The following STXBP5L variants were observed in gnomAD, a reference collection of about 807,000 sequenced individuals.
The protein encoded by STXBP5L is syntaxin-binding protein 5-like.
Under a neutral mutation model 144.5 loss-of-function variants are expected in STXBP5L, and 65 were observed. The ratio of observed to expected loss-of-function variants is 0.45; its 90% CI spans 0.37 to 0.55. The LOEUF (loss-of-function observed/expected upper bound fraction) is 0.55, where lower values mean the gene tolerates loss of function less well. Ranked by LOEUF, STXBP5L falls within the 20% of genes least tolerant of loss-of-function variation. The pLI is 0.00. For missense variants in STXBP5L, 1,298 were observed against 1,405.5 expected (o/e 0.92, Z 1.22); for synonymous variants, 505 against 469.6 (o/e 1.08, Z -0.97).
chr3:120,998,454 A>G (rs1357530938), intron 3 of STXBP5L, among the ~76,000 whole-genome samples: 1 of 152,024 alleles, frequency 6.6e-6, no homozygotes, highest in East Asian at 1.9e-4. Flanking sequence ...ACATAGGTAT[A>G]CACGTGCCAT....
intron 20 of STXBP5L, among the ~76,000 whole-genome samples, chr3:121,326,666 T>A (rs1043969166): frequency 1.3e-5 from 2 of 151,992 alleles, no homozygotes; most frequent in Non-Finnish European, 2.9e-5. Flanking sequence ...TAGAGAAAAA[T>A]TTGACCTTAC....
At chr3:121,186,991 TG>T (rs1374744570) in intron 9 of STXBP5L, among the ~76,000 whole-genome samples, 1 of 152,186 alleles carries the variant, frequency 6.6e-6, no homozygotes, top group African/African-American at 2.4e-5. Flanking sequence ...TCAACCATTG[TG>T]GAAGTCAGTG....
At chr3:121,221,349 G>A (rs200056558) in intron 10 of STXBP5L, among the ~76,000 whole-genome samples, 10 of 151,570 alleles carry the variant, frequency 6.6e-5, no homozygotes, top group Admixed American at 4.0e-4. Context: ...AAGCAGGGGG[G>A]GTAAATTGCT....
intron 3 of STXBP5L, 48 bp from the exon 4 acceptor site, chr3:121,041,652 T>C (rs539792560): frequency 1.5e-6 from 2 of 1,352,128 alleles, no homozygotes; most frequent in South Asian, 2.3e-5. Context: ...TGCTCATTAA[T>C]ATTGGTGCTA....
chr3:121,320,592 T>C (rs1442810372), intron 20 of STXBP5L, among the ~76,000 whole-genome samples: 8 of 152,116 alleles, frequency 5.3e-5, no homozygotes, highest in Admixed American at 5.2e-4. Context: ...TTATAATTGC[T>C]GTCAGTTTTT....
At chr3:121,167,539 C>T (rs1049807586) in intron 9 of STXBP5L, among the ~76,000 whole-genome samples, 2 of 152,098 alleles carry the variant, frequency 1.3e-5, no homozygotes, top group African/African-American at 4.8e-5. Flanking sequence ...GTTTTCCCCT[C>T]AGAGTGTAAA....
At chr3:120,949,385 T>A (rs1275053809) in intron 2 of STXBP5L, among the ~76,000 whole-genome samples, 1 of 152,036 alleles carries the variant, frequency 6.6e-6, no homozygotes, top group African/African-American at 2.4e-5. Flanking sequence ...CTCTGCTGAT[T>A]ATTTCTTTTG....
chr3:121,101,577 A>G (rs2043428818), intron 5 of STXBP5L, among the ~76,000 whole-genome samples: 1 of 152,124 alleles, frequency 6.6e-6, no homozygotes, highest in Non-Finnish European at 1.5e-5. Context: ...GAAGGAATAT[A>G]TACCATAGAA....
chr3:121,136,667 A>G (rs373334144), intron 7 of STXBP5L, among the ~76,000 whole-genome samples: 1 of 152,296 alleles, frequency 6.6e-6, no homozygotes, highest in East Asian at 1.9e-4. Flanking sequence ...AAAGCAATCT[A>G]GAGGTTTTCC....
intron 18 of STXBP5L, among the ~76,000 whole-genome samples, chr3:121,277,425 T>C (rs16832211): frequency 0.12 from 18,285 of 152,074 alleles, 1,155 homozygotes; most frequent in Non-Finnish European, 0.14. Flanking sequence ...TCTACTATAA[T>C]GTCTAATGTG....
intron 19 of STXBP5L, among the ~76,000 whole-genome samples, chr3:121,313,122 G>C (rs1367296422): frequency 1.4e-5 from 2 of 139,936 alleles, no homozygotes; most frequent in African/African-American, 5.4e-5. Flanking sequence ...AGACGGGGCG[G>C]CTGGCCAGGC....
At chr3:120,990,413 C>A (rs1942726420) in intron 3 of STXBP5L, among the ~76,000 whole-genome samples, 1 of 152,152 alleles carries the variant, frequency 6.6e-6, no homozygotes, top group Non-Finnish European at 1.5e-5. Context: ...ATGCCATCCC[C>A]ATCAAGCTAC....
chr3:121,355,639 T>C (rs1379406466), intron 20 of STXBP5L, among the ~76,000 whole-genome samples: 1 of 152,176 alleles, frequency 6.6e-6, no homozygotes, highest in Non-Finnish European at 1.5e-5. Flanking sequence ...AACCTGCTCC[T>C]TTAGCTCGGA....
At chr3:121,329,946 G>A (rs2044271842) in intron 20 of STXBP5L, among the ~76,000 whole-genome samples, 1 of 152,108 alleles carries the variant, frequency 6.6e-6, no homozygotes, top group South Asian at 2.1e-4. Flanking sequence ...CTTATTTAAT[G>A]TAAGACAATT....
At chr3:121,331,048 A>G (rs1014835353) in intron 20 of STXBP5L, among the ~76,000 whole-genome samples, 3 of 152,208 alleles carry the variant, frequency 2.0e-5, no homozygotes, top group African/African-American at 7.2e-5. Flanking sequence ...AGCTAGACCC[A>G]GAAGAGCAGC....
intron 20 of STXBP5L, among the ~76,000 whole-genome samples, chr3:121,375,029 GGTGGGAGGGGGAGT>G: frequency 7.4e-6 from 1 of 135,412 alleles, no homozygotes; most frequent in Non-Finnish European, 1.6e-5. Flanking sequence ...AGGGTGGGAG[GGTGGGAGGGGGAGT>G]GAAAGAGGAG....
chr3:121,189,052 T>A (rs1434969310), intron 9 of STXBP5L, among the ~76,000 whole-genome samples: 1 of 152,214 alleles, frequency 6.6e-6, no homozygotes, highest in Non-Finnish European at 1.5e-5. Flanking sequence ...ATTTTATACT[T>A]AGAAAACCCC....
At chr3:121,055,400 A>T (rs1170008342) in intron 5 of STXBP5L, among the ~76,000 whole-genome samples, 2 of 152,126 alleles carry the variant, frequency 1.3e-5, no homozygotes, top group Non-Finnish European at 2.9e-5. Flanking sequence ...TATACTATAA[A>T]TTTTAGCTTA....
At chr3:121,083,160 C>T (rs745678785) in intron 5 of STXBP5L, among the ~76,000 whole-genome samples, 2 of 151,988 alleles carry the variant, frequency 1.3e-5, no homozygotes, top group African/African-American at 4.8e-5. Context: ...GATTTCGCCA[C>T]TGCACTCCAG....
Sources: allele counts gnomAD v4.1 joint callset (sites outside exome capture counted in the v4.1 genomes callset), GRCh38; gene constraint gnomAD v4.1.1; transcripts MANE v1.5; gene names NCBI Gene and HGNC (gene_info 2026-07-23, HGNC 2026-07-21).